The following FRMD3 variants were observed in gnomAD, a reference collection of about 807,000 sequenced individuals.
FRMD3 encodes the protein FERM domain containing 3.
A neutral mutation model predicts 70.2 loss-of-function variants in FRMD3; 33 were observed. The observed-to-expected ratio is 0.47, with a 90% CI of 0.36 to 0.63. FRMD3 has a LOEUF of 0.63. Among genes scored for constraint, FRMD3 ranks in the 20% least tolerant of loss-of-function variants. The pLI, the probability that FRMD3 is intolerant of heterozygous loss-of-function variation, is 0.00. For synonymous variants in FRMD3, 279 were observed against 255.9 expected, an observed-to-expected ratio of 1.09 and a Z score of -0.86; for missense variants, 632 against 711.4, an observed-to-expected ratio of 0.89 and a Z score of 1.27.
chr9:83,302,420 T>G (rs1834962780), intron 10 of FRMD3, among the ~76,000 whole-genome samples: 1 of 152,212 alleles, frequency 6.6e-6, no homozygotes, highest in Admixed American at 6.5e-5. Context: ...TATTCACGTC[T>G]GGTTCTGTGA....
At chr9:83,263,955 C>A (rs1184795237) in intron 13 of FRMD3, among the ~76,000 whole-genome samples, 1 of 152,100 alleles carries the variant, frequency 6.6e-6, no homozygotes, top group African/African-American at 2.4e-5. Flanking sequence ...TAATATTGTT[C>A]CTGAATAGTG....
chr9:83,469,063 C>G (rs181579501), intron 1 of FRMD3, among the ~76,000 whole-genome samples: 1 of 152,300 alleles, frequency 6.6e-6, no homozygotes, highest in Non-Finnish European at 1.5e-5. Context: ...GGCATGCTGC[C>G]CCAATATGTT....
intron 1 of FRMD3, among the ~76,000 whole-genome samples, chr9:83,439,166 G>A (rs1481186420): frequency 6.6e-6 from 1 of 152,184 alleles, no homozygotes; most frequent in Non-Finnish European, 1.5e-5. Flanking sequence ...CTTAACACTT[G>A]ATGAACATGG....
At chr9:83,578,331 AG>A in the FRMD3 span, among the ~76,000 whole-genome samples, 1 of 152,014 alleles carries the variant, frequency 6.6e-6, no homozygotes, top group Non-Finnish European at 1.5e-5. Flanking sequence ...TCATTTTATG[AG>A]GCCAGCATTA....
Position 83,248,353 on chromosome 9 carries a change from C to A in FRMD3, c.1359G>T (p.Leu453=). 1 of 1,614,152 alleles carries A rather than the reference C, an allele frequency of 6.2e-7. No homozygotes were observed. The highest frequency in any genetic ancestry group is 1.1e-5 in the South Asian group (1 of 91,076). The change falls in exon 14 of 14, where the codon CTG becomes CTT. Residue 453 remains leucine (L), a synonymous_variant. Transcript: ENST00000304195. ...SELVYNPSAS[L]LPTPVDDDEI... Reference sequence around the variant, plus strand: ...CATCGTCATCCACAGGGGTGGGGAGCAGGCTGGCACTTGGGTTGTACACTA... The same window carrying A: ...CATCGTCATCCACAGGGGTGGGGAGAAGGCTGGCACTTGGGTTGTACACTA...
intron 10 of FRMD3, among the ~76,000 whole-genome samples, chr9:83,305,929 T>A (rs371525527): frequency 6.6e-6 from 1 of 152,230 alleles, no homozygotes; most frequent in African/African-American, 2.4e-5. Flanking sequence ...ACATGCCAAG[T>A]TGACCTACCT....
At chr9:83,282,955 A>G (rs1306262967) in intron 13 of FRMD3, among the ~76,000 whole-genome samples, 1 of 152,156 alleles carries the variant, frequency 6.6e-6, no homozygotes, top group African/African-American at 2.4e-5. Context: ...CACAGTAAAC[A>G]CTCAAAATTT....
chr9:83,498,080 G>A (rs2131508327), intron 1 of FRMD3, among the ~76,000 whole-genome samples: 1 of 152,266 alleles, frequency 6.6e-6, no homozygotes, highest in East Asian at 1.9e-4. Context: ...CCCAGGAGGT[G>A]GAGGTTGCAG....
chr9:83,573,272 G>A, the FRMD3 span, among the ~76,000 whole-genome samples: 1 of 152,128 alleles, frequency 6.6e-6, no homozygotes, highest in African/African-American at 2.4e-5. Flanking sequence ...AGAAGATGGT[G>A]GAGAAGGAGG....
At chr9:83,488,790 T>A (rs1371840165) in intron 1 of FRMD3, among the ~76,000 whole-genome samples, 4 of 152,308 alleles carry the variant, frequency 2.6e-5, no homozygotes, top group African/African-American at 7.2e-5. Flanking sequence ...AAATGTTGAC[T>A]GATTAATTAA....
At chr9:83,503,256 T>C (rs1829112135) in intron 1 of FRMD3, among the ~76,000 whole-genome samples, 1 of 152,194 alleles carries the variant, frequency 6.6e-6, no homozygotes, top group South Asian at 2.1e-4. Context: ...TGGTGGGTCA[T>C]ATACCCTATA....
intron 1 of FRMD3, among the ~76,000 whole-genome samples, chr9:83,496,153 C>A (rs11140123): frequency 0.074 from 11,326 of 152,038 alleles, 532 homozygotes; most frequent in East Asian, 0.25. Flanking sequence ...AAGTGACACA[C>A]AAATTTTTTA....
chr9:83,546,888 C>A, the FRMD3 span, among the ~76,000 whole-genome samples: 1 of 6,520 alleles, frequency 1.5e-4, no homozygotes, highest in Non-Finnish European at 5.9e-4. Flanking sequence ...GAGACTCTGT[C>A]TCAAAAAAAA....
intron 1 of FRMD3, among the ~76,000 whole-genome samples, chr9:83,422,559 C>A (rs1826676049): frequency 6.6e-6 from 1 of 152,186 alleles, no homozygotes; most frequent in African/African-American, 2.4e-5. Flanking sequence ...ACGTTCTTTC[C>A]TCTCATAGCA....
chr9:83,379,000 T>C (rs1308298400), intron 2 of FRMD3, among the ~76,000 whole-genome samples: 2 of 150,936 alleles, frequency 1.3e-5, no homozygotes, highest in Non-Finnish European at 2.9e-5. Context: ...AGTGCTGTGA[T>C]TAACTGTGTG....
At chr9:83,442,003 T>C (rs1032411843) in intron 1 of FRMD3, among the ~76,000 whole-genome samples, 1 of 152,196 alleles carries the variant, frequency 6.6e-6, no homozygotes. Flanking sequence ...TAGTACAGCA[T>C]AAAGAACGTG....
intron 1 of FRMD3, among the ~76,000 whole-genome samples, chr9:83,530,288 G>A (rs1392166064): frequency 3.9e-5 from 6 of 152,290 alleles, no homozygotes; most frequent in African/African-American, 1.2e-4. Flanking sequence ...GCAATGGACT[G>A]GACTACTATT....
chr9:83,518,609 T>G (rs1377181196), intron 1 of FRMD3, among the ~76,000 whole-genome samples: 1 of 152,138 alleles, frequency 6.6e-6, no homozygotes, highest in Non-Finnish European at 1.5e-5. Flanking sequence ...AAGCTGCCAT[T>G]GACTTTCTTC....
the FRMD3 span, among the ~76,000 whole-genome samples, chr9:83,566,267 C>T: frequency 1.1e-4 from 16 of 152,068 alleles, no homozygotes; most frequent in African/African-American, 3.4e-4. Flanking sequence ...GTGAGACTTC[C>T]CCACTCTCAG....
Sources: allele counts gnomAD v4.1 joint callset (sites outside exome capture counted in the v4.1 genomes callset), GRCh38; gene constraint gnomAD v4.1.1; transcripts MANE v1.5; gene names NCBI Gene and HGNC (gene_info 2026-07-23, HGNC 2026-07-21).